Variants in PTPRT observed in about 807,000 individuals in gnomAD.
PTPRT encodes receptor-type tyrosine-protein phosphatase T.
Under a neutral mutation model 176.8 loss-of-function variants are expected in PTPRT, and 56 were observed. The ratio of observed to expected loss-of-function variants is 0.32; its 90% CI spans 0.26 to 0.40. The LOEUF (loss-of-function observed/expected upper bound fraction) is 0.40. Among genes scored for constraint, PTPRT ranks in the 10% least tolerant of loss-of-function variants. The probability of loss-of-function intolerance (pLI) is 1.00; values close to 1 mark genes in which losing one functional copy is unlikely to be tolerated. For synonymous variants in PTPRT, 783 were observed against 739.0 expected, an observed-to-expected ratio of 1.06 and a Z score of -0.96; for missense variants, 1,540 against 1,908.2, an observed-to-expected ratio of 0.81 and a Z score of 3.60.
intron 1 of PTPRT, among the ~76,000 whole-genome samples, chr20:42,915,321 G>T (rs1347958180): frequency 6.6e-6 from 1 of 152,184 alleles, no homozygotes; most frequent in East Asian, 1.9e-4. Context: ...ATGCCCTCAG[G>T]CCTGGCCAGG....
chr20:42,453,239 C>CT (rs1257807732), intron 8 of PTPRT, among the ~76,000 whole-genome samples: 1 of 151,870 alleles, frequency 6.6e-6, no homozygotes, highest in Admixed American at 6.6e-5. Context: ...TTTTTTTTCT[C>CT]TTTTTTGGGA....
At chr20:42,428,775 A>G (rs2059189621) in intron 9 of PTPRT, among the ~76,000 whole-genome samples, 1 of 152,122 alleles carries the variant, frequency 6.6e-6, no homozygotes, top group Admixed American at 6.5e-5. Flanking sequence ...ATTTCCCTAC[A>G]CAAGCCTTGT....
intron 7 of PTPRT, among the ~76,000 whole-genome samples, chr20:42,589,717 G>A (rs190290493): frequency 6.6e-6 from 1 of 152,240 alleles, no homozygotes; most frequent in Admixed American, 6.5e-5. Flanking sequence ...GCTAGGCTCT[G>A]GGGGTAGGAT....
intron 16 of PTPRT, among the ~76,000 whole-genome samples, chr20:42,173,185 G>C (rs1471137097): frequency 6.6e-6 from 1 of 152,188 alleles, no homozygotes; most frequent in Non-Finnish European, 1.5e-5. Context: ...CTGGTCTAGA[G>C]AGGAAGCAAT....
At chr20:42,295,801 G>A (rs2057378323) in intron 12 of PTPRT, among the ~76,000 whole-genome samples, 1 of 152,244 alleles carries the variant, frequency 6.6e-6, no homozygotes, top group Non-Finnish European at 1.5e-5. Context: ...GGAGGTGATT[G>A]GATCATAGGG....
chr20:42,614,917 GTTTTC>G (rs2074040856), intron 7 of PTPRT, among the ~76,000 whole-genome samples: 2 of 136,664 alleles, frequency 1.5e-5, no homozygotes, highest in African/African-American at 6.2e-5. Flanking sequence ...TTTTTTTGTT[GTTTTC>G]TTTTTTTTTT....
chr20:42,191,280 C>G (rs1465016992), intron 16 of PTPRT, among the ~76,000 whole-genome samples: 4 of 152,170 alleles, frequency 2.6e-5, no homozygotes, highest in African/African-American at 9.7e-5. Flanking sequence ...CAAAAGTCAT[C>G]TTCATCTGGG....
At chr20:42,666,836 C>A (rs1033142148) in intron 7 of PTPRT, among the ~76,000 whole-genome samples, 1 of 152,090 alleles carries the variant, frequency 6.6e-6, no homozygotes, top group Non-Finnish European at 1.5e-5. Context: ...TGGCATATGG[C>A]TATTTATTTT....
chr20:42,717,947 T>A lies in PTPRT; in HGVS notation c.859+38515A>T, dbSNP rs77424518. The stretch of plus-strand genomic sequence containing the variant: ...TCAATTTCACTAGTCATCAGAAAAA[T>A]ACCACAATGAGCTATCACCACATAC... On this transcript the variant is annotated intron_variant, in intron 6 of 30. Transcript: ENST00000373187. 8.2e-3 allele frequency among the ~76,000 whole-genome samples: 1,246 copies of A among 152,242 alleles called. 21 individuals carry two copies. Among genetic ancestry groups the A allele is most frequent in the African/African-American group, 0.029 (1,202 of 41,542 alleles).
chr20:42,924,305 C>A (rs183252518), intron 1 of PTPRT, among the ~76,000 whole-genome samples: 4 of 152,306 alleles, frequency 2.6e-5, no homozygotes. Context: ...AAGCAGCATG[C>A]AGCTAGCTAG....
chr20:42,068,605 C>T (rs1178684834), downstream of PTPRT, among the ~76,000 whole-genome samples: 1 of 152,200 alleles, frequency 6.6e-6, no homozygotes, highest in South Asian at 2.1e-4. Flanking sequence ...GGAGCAGGCA[C>T]CTGGGCGGGA....
chr20:42,778,611 T>G (rs778994146), intron 4 of PTPRT, among the ~76,000 whole-genome samples: 1 of 152,152 alleles, frequency 6.6e-6, no homozygotes, highest in Non-Finnish European at 1.5e-5. Flanking sequence ...CTGGAGGTAG[T>G]GCAAGATTGA....
chr20:42,235,693 T>A (rs2056227716), intron 15 of PTPRT, among the ~76,000 whole-genome samples: 1 of 152,106 alleles, frequency 6.6e-6, no homozygotes, highest in African/African-American at 2.4e-5. Flanking sequence ...ACCAAACACA[T>A]AATCCCAACC....
chr20:43,072,899 A>G (rs2011199626), intron 1 of PTPRT, among the ~76,000 whole-genome samples: 1 of 152,336 alleles, frequency 6.6e-6, no homozygotes, highest in Non-Finnish European at 1.5e-5. Context: ...TCTTAAGCTC[A>G]CATCCTTTTA....
At chr20:42,369,170 C>T (rs186468668) in intron 9 of PTPRT, among the ~76,000 whole-genome samples, 2 of 152,060 alleles carry the variant, frequency 1.3e-5, no homozygotes, top group Admixed American at 6.6e-5. Flanking sequence ...ACTGTGTTGC[C>T]CAGACTGGAT....
rs140142525 is a variant in PTPRT, at chr20:42,366,076, C to T, written c.1561-13791G>A. Among the ~76,000 whole-genome samples, 1,240 of 152,344 alleles carry T rather than the reference C, an allele frequency of 8.1e-3. 6 individuals carry two copies. The highest frequency in any genetic ancestry group is 0.024 in the Middle Eastern group (7 of 294). ...CTTCCCAAAGCCCTCACAGGGTAAC[C>T]AGGGGCTCTGTCCTTCAGCCTGGCC... On this transcript the variant is annotated intron_variant, in intron 9 of 30. Coordinates refer to ENST00000373187, the MANE Select transcript of PTPRT (RefSeq NM_007050.6).
At chr20:42,439,281 C>A (rs774887975) in intron 9 of PTPRT, among the ~76,000 whole-genome samples, 2 of 151,832 alleles carry the variant, frequency 1.3e-5, no homozygotes, top group African/African-American at 2.4e-5. Flanking sequence ...TTTTTAATCT[C>A]ACAAAAAAAA....
At chr20:42,358,345 T>A (rs1454709092) in intron 9 of PTPRT, among the ~76,000 whole-genome samples, 2 of 152,104 alleles carry the variant, frequency 1.3e-5, no homozygotes, top group Admixed American at 1.3e-4. Context: ...TAAACAGATA[T>A]CCATTGAGCT....
At chr20:42,319,756 C>T (rs1433383227) in intron 11 of PTPRT, among the ~76,000 whole-genome samples, 1 of 152,142 alleles carries the variant, frequency 6.6e-6, no homozygotes, top group Non-Finnish European at 1.5e-5. Context: ...GCAATAGCTT[C>T]ATTCTCATTC....
Sources: allele counts gnomAD v4.1 joint callset (sites outside exome capture counted in the v4.1 genomes callset), GRCh38; gene constraint gnomAD v4.1.1; transcripts MANE v1.5; gene names NCBI Gene and HGNC (gene_info 2026-07-23, HGNC 2026-07-21).